The following RALGPS1 variants were observed in gnomAD, a reference collection of about 807,000 sequenced individuals.
RALGPS1 encodes Ral GEF with PH domain and SH3 binding motif 1.
RALGPS1 carries 19 observed loss-of-function variants against 78.8 expected under a neutral mutation model. The ratio of observed to expected loss-of-function variants is 0.24; its 90% CI spans 0.17 to 0.35. The LOEUF (loss-of-function observed/expected upper bound fraction) is 0.35. Ranked by LOEUF, RALGPS1 falls within the 10% of genes least tolerant of loss-of-function variation. The pLI is 1.00. For synonymous variants in RALGPS1, 228 were observed against 256.3 expected, an observed-to-expected ratio of 0.89 and a Z score of 1.06; for missense variants, 454 against 688.3, an observed-to-expected ratio of 0.66 and a Z score of 3.81.
rs369861119 is a variant in RALGPS1 at position 127,166,304 on chromosome 9, GT to G, written c.748+100del. Reference sequence around the variant, plus strand: ...TAGAAACCTTTCAAAGAACTACAAAGTTCCTCATTTTAATATATCGAGCATC... The same window carrying G: ...TAGAAACCTTTCAAAGAACTACAAAGTCCTCATTTTAATATATCGAGCATC... On this transcript the variant is annotated intron_variant, in intron 9 of 18. Transcript: ENST00000259351. The G allele has an allele frequency of 5.5e-4, 786 of 1,417,644 alleles. 3 individuals are homozygous for G. The African/African-American group carries it at 9.2e-3, about 17-fold the overall frequency. 87.8% of individuals were successfully genotyped at this position (1,417,644 alleles called of 1,614,324 possible).
At chr9:127,115,324 G>A (rs1424423128) in intron 8 of RALGPS1, among the ~76,000 whole-genome samples, 1 of 152,160 alleles carries the variant, frequency 6.6e-6, no homozygotes, top group Non-Finnish European at 1.5e-5. Context: ...TGAGCAGCTA[G>A]GATTACAGGT....
chr9:126,987,864 A>G (rs2041946899), intron 4 of RALGPS1, among the ~76,000 whole-genome samples: 2 of 152,168 alleles, frequency 1.3e-5, no homozygotes, highest in Non-Finnish European at 2.9e-5. Flanking sequence ...ATAGTAAACA[A>G]GAAGTGTTCA....
chr9:127,183,729 C>A lies in RALGPS1; in HGVS notation c.910+8947C>A, dbSNP rs764409932. 1.1e-5 allele frequency: 8 copies of A among 734,528 alleles called. No homozygotes were observed. Among genetic ancestry groups the A allele is most frequent in the Non-Finnish European group, 1.5e-5 (7 of 459,494 alleles). 45.5% of individuals were successfully genotyped at this position (734,528 alleles called of 1,614,324 possible). ...GTAGGCCCTCTCTCCATGTGCTCCTCTCTCTGGAAACATACTCTCTCTGCC... is the reference window on the plus strand; with the variant it reads ...GTAGGCCCTCTCTCCATGTGCTCCTATCTCTGGAAACATACTCTCTCTGCC... On this transcript the variant is annotated intron_variant, in intron 11 of 18. Transcript: ENST00000259351. The surrounding 1 kb of genome is among the most constrained non-coding windows in gnomAD (Gnocchi z 4.0).
intron 5 of RALGPS1, among the ~76,000 whole-genome samples, chr9:127,039,497 G>T (rs1322454977): frequency 6.6e-6 from 1 of 152,138 alleles, no homozygotes; most frequent in Non-Finnish European, 1.5e-5. Context: ...CTGGAGAGTG[G>T]AGGAGTCAAA....
intron 4 of RALGPS1, among the ~76,000 whole-genome samples, chr9:126,991,478 T>C (rs1471260661): frequency 6.6e-6 from 1 of 152,180 alleles, no homozygotes; most frequent in Non-Finnish European, 1.5e-5. Flanking sequence ...AAACAGAGCC[T>C]TTGGTGAACA....
At chr9:127,056,235 CTCCCTAT>C in intron 7 of RALGPS1, among the ~76,000 whole-genome samples, 2 of 152,298 alleles carry the variant, frequency 1.3e-5, no homozygotes, top group Middle Eastern at 6.8e-3. Context: ...TCTGAGAAAC[CTCCCTAT>C]TGTGTCCTAA....
chr9:127,096,929 A>C (rs1389919077), intron 8 of RALGPS1, among the ~76,000 whole-genome samples: 2 of 152,198 alleles, frequency 1.3e-5, no homozygotes, highest in African/African-American at 4.8e-5. Flanking sequence ...CCCTGTGGTC[A>C]TTAGAGGAGC....
chr9:127,140,832 G>C (rs781666416), intron 8 of RALGPS1, among the ~76,000 whole-genome samples: 12 of 152,208 alleles, frequency 7.9e-5, no homozygotes, highest in Non-Finnish European at 1.8e-4. Context: ...GGGCGAGGGT[G>C]GAACATGGAG....
intron 8 of RALGPS1, among the ~76,000 whole-genome samples, chr9:127,112,068 G>A (rs2054871673): frequency 6.6e-6 from 1 of 152,196 alleles, no homozygotes; most frequent in Non-Finnish European, 1.5e-5. Flanking sequence ...AGTTACAAAA[G>A]AGACCCTGTG....
intron 4 of RALGPS1, among the ~76,000 whole-genome samples, chr9:127,005,619 A>G: frequency 6.6e-6 from 1 of 152,148 alleles, no homozygotes; most frequent in Non-Finnish European, 1.5e-5. Context: ...TCGACTACAC[A>G]GGAGTTCACT....
intron 11 of RALGPS1, 36 bp downstream of exon 11, chr9:127,174,818 T>C (rs753599128): frequency 6.3e-7 from 1 of 1,583,242 alleles, no homozygotes; most frequent in Admixed American, 1.7e-5. Flanking sequence ...CAAACCCACT[T>C]AATAGCCTAA....
intron 5 of RALGPS1, among the ~76,000 whole-genome samples, chr9:127,047,525 C>G (rs536947299): frequency 4.6e-5 from 7 of 152,058 alleles, no homozygotes; most frequent in African/African-American, 1.7e-4. Flanking sequence ...ACGGTGAAAC[C>G]CCATCTCTAC....
intron 4 of RALGPS1, among the ~76,000 whole-genome samples, chr9:127,027,073 C>A (rs1285546647): frequency 6.6e-6 from 1 of 152,188 alleles, no homozygotes; most frequent in Non-Finnish European, 1.5e-5. Context: ...GGCAGCCTGA[C>A]TTCACCACCT....
chr9:127,164,066 G>GT (rs1173545440), intron 8 of RALGPS1, among the ~76,000 whole-genome samples: 4 of 151,606 alleles, frequency 2.6e-5, no homozygotes, highest in South Asian at 4.2e-4. Flanking sequence ...CAAATGGTTA[G>GT]TTTTTTTTCT....
At chr9:127,022,147 A>C (rs1314012023) in intron 4 of RALGPS1, among the ~76,000 whole-genome samples, 1 of 152,076 alleles carries the variant, frequency 6.6e-6, no homozygotes, top group African/African-American at 2.4e-5. Context: ...CACTGGAGGC[A>C]CCATTTTTCC....
At chr9:127,079,392 T>A (rs919283764) in intron 8 of RALGPS1, among the ~76,000 whole-genome samples, 6 of 152,262 alleles carry the variant, frequency 3.9e-5, no homozygotes, top group Non-Finnish European at 8.8e-5. Context: ...TAGACAGCTC[T>A]TCAGATGGCC....
chr9:127,126,903 A>G (rs1010435118), intron 8 of RALGPS1, among the ~76,000 whole-genome samples: 3 of 152,160 alleles, frequency 2.0e-5, no homozygotes, highest in Non-Finnish European at 2.9e-5. Context: ...TCACATGTCT[A>G]TAATTTTTTA....
intron 4 of RALGPS1, among the ~76,000 whole-genome samples, chr9:127,009,687 T>G (rs1325148897): frequency 6.6e-6 from 1 of 152,192 alleles, no homozygotes; most frequent in Non-Finnish European, 1.5e-5. Flanking sequence ...GCCTCACTTT[T>G]TTGAATCTCT....
chr9:127,141,634 A>G (rs1017895473), intron 8 of RALGPS1, among the ~76,000 whole-genome samples: 1 of 150,926 alleles, frequency 6.6e-6, no homozygotes, highest in East Asian at 1.9e-4. Context: ...AAAAAAAAAA[A>G]AAAAAAGAAA....
Sources: allele counts gnomAD v4.1 joint callset (sites outside exome capture counted in the v4.1 genomes callset), GRCh38; gene constraint gnomAD v4.1.1; non-coding constraint Gnocchi (gnomAD v3.1); transcripts MANE v1.5; gene names NCBI Gene and HGNC (gene_info 2026-07-23, HGNC 2026-07-21).